The following GBF1 variants were observed in gnomAD, a reference collection of about 807,000 sequenced individuals.
GBF1 encodes Golgi-specific brefeldin A-resistance guanine nucleotide exchange factor 1.
Under a neutral mutation model 210.5 loss-of-function variants are expected in GBF1, and 114 were observed. The observed-to-expected ratio is 0.54, with a 90% CI of 0.47 to 0.63. The LOEUF is 0.63. Ranked by LOEUF, GBF1 falls within the 30% of genes least tolerant of loss-of-function variation. GBF1 has a pLI of 0.00. For missense variants in GBF1, 1,851 were observed against 2,357.7 expected, an observed-to-expected ratio of 0.79 and a Z score of 4.45; for synonymous variants, 850 against 889.2, an observed-to-expected ratio of 0.96 and a Z score of 0.78.
At chr10:102,236,525 C>T in the GBF1 span, among the ~76,000 whole-genome samples, 1 of 152,200 alleles carries the variant, frequency 6.6e-6, no homozygotes, top group South Asian at 2.1e-4. Context: ...TGCTCTGATT[C>T]TGTAGTACAG....
At chr10:102,346,815 C>T (rs922511738) in intron 4 of GBF1, among the ~76,000 whole-genome samples, 1 of 152,174 alleles carries the variant, frequency 6.6e-6, no homozygotes, top group Non-Finnish European at 1.5e-5. Context: ...CCTTTTGTTG[C>T]TTTTATTTCC....
chr10:102,369,048 T>C (rs1346441756), intron 23 of GBF1, among the ~76,000 whole-genome samples, 163 bp from the exon 24 acceptor site: 2 of 151,872 alleles, frequency 1.3e-5, no homozygotes, highest in African/African-American at 2.4e-5. Flanking sequence ...GATACAGGAG[T>C]GGGGAAGGCC....
At chr10:102,265,205 C>T (rs1369125765) in intron 3 of GBF1, among the ~76,000 whole-genome samples, 1 of 152,166 alleles carries the variant, frequency 6.6e-6, no homozygotes, top group Non-Finnish European at 1.5e-5. Flanking sequence ...CCTTAGTTCC[C>T]TTCATCCAGT....
chr10:102,372,185 T>A (rs2060248469), intron 29 of GBF1, among the ~76,000 whole-genome samples: 1 of 148,662 alleles, frequency 6.7e-6, no homozygotes, highest in South Asian at 2.1e-4. Context: ...CACTCCAGCC[T>A]GGGCAACACA....
intron 3 of GBF1, among the ~76,000 whole-genome samples, chr10:102,296,488 T>C (rs2076916248): frequency 1.3e-5 from 2 of 152,200 alleles, no homozygotes; most frequent in South Asian, 4.1e-4. Flanking sequence ...CTCACGCCTG[T>C]AATCTCAGCA....
intron 4 of GBF1, among the ~76,000 whole-genome samples, chr10:102,350,288 T>A (rs937920244): frequency 6.6e-6 from 1 of 151,084 alleles, no homozygotes; most frequent in Non-Finnish European, 1.5e-5. Context: ...AGACGGAGGT[T>A]GCAGTGAGCC....
rs772109373 is a variant in GBF1, at chr10:102,358,219, C to T, written c.787+33C>T. ...CCCTGGACTACTTCCTCTGATTAGA[C>T]AAAAGAAGAGCTCCTTTCTCTCTTA... On this transcript the variant is annotated intron_variant, in intron 9 of 39. Transcript: ENST00000369983. The T allele has an allele frequency of 1.9e-6, 3 of 1,577,558 alleles. No individual in the cohort carries two copies. In the Admixed American group the frequency reaches 5.3e-5, roughly 28 times the overall value.
At chr10:102,232,009 C>T in the GBF1 span, 1 of 1,609,848 alleles carries the variant, frequency 6.2e-7, no homozygotes. Context: ...GCTGGGGGTG[C>T]GGAGTGCCAG....
At chr10:102,230,753 C>CG in the GBF1 span, 7 of 1,489,124 alleles carry the variant, frequency 4.7e-6, no homozygotes, top group South Asian at 1.3e-5. Context: ...GGAGCCAGCC[C>CG]GGGGGGGCCC....
At chr10:102,353,805 A>G (rs1589750665) in intron 8 of GBF1, 151 bp downstream of exon 8, 1 of 632,226 alleles carries the variant, frequency 1.6e-6, no homozygotes, top group Non-Finnish European at 2.8e-6. Flanking sequence ...TTCGTGAGAA[A>G]TGTATTCTCT....
At chr10:102,354,356 CCTGT>C (rs1299562325) in intron 8 of GBF1, among the ~76,000 whole-genome samples, 1 of 152,128 alleles carries the variant, frequency 6.6e-6, no homozygotes, top group African/African-American at 2.4e-5. Context: ...CGTGCGTTTG[CCTGT>C]CTTTCGCAGA....
At position 102,382,138 on chromosome 10, in the gene GBF1, C is replaced by T. The variant is rs1438135708; in HGVS notation, c.5385C>T (p.Ser1795=). ...SPVASSPSRL[S]PTPDGPPPLA... ...TGGCCTCAAGCCCCAGCAGGCTGAG[C>T]CCCACCCCCGACGGGCCTCCACCCT... is the stretch of plus-strand genomic sequence containing the variant. The change falls in exon 40 of 40, where the codon AGC becomes AGT. Residue 1795 remains serine (S), a synonymous_variant. Coordinates refer to ENST00000369983, the MANE Select transcript of GBF1 (RefSeq NM_001377137.1). 1 of 1,610,098 alleles carries T rather than the reference C, an allele frequency of 6.2e-7. No homozygotes were observed. Among genetic ancestry groups the T allele is most frequent in the East Asian group, 2.2e-5 (1 of 44,850 alleles).
chr10:102,323,955 G>T (rs929266530), intron 3 of GBF1, among the ~76,000 whole-genome samples: 2 of 152,062 alleles, frequency 1.3e-5, no homozygotes, highest in African/African-American at 4.8e-5. Context: ...TTCTAGGAAG[G>T]CTAGCCTTCC....
intron 3 of GBF1, among the ~76,000 whole-genome samples, chr10:102,266,083 C>G (rs551074315): frequency 6.6e-6 from 1 of 151,930 alleles, no homozygotes; most frequent in Admixed American, 6.6e-5. Context: ...TAAAAAAATA[C>G]AAAAAATTAG....
At position 102,259,035 on chromosome 10, in the gene GBF1, G is replaced by A; in HGVS notation, c.96+1G>A. On this transcript the variant is annotated splice_donor_variant, in intron 2 of 39. Transcript: ENST00000369983. LOFTEE classifies it high-confidence loss of function. ...CCGATGGAGCACCCATACACCACTG[G>A]TAAGTGGGAAATGGATAAATAGCCT... 6.7e-7 allele frequency: 1 copy of A among 1,491,788 alleles called. No individual in the cohort carries two copies. Among genetic ancestry groups the A allele is most frequent in the Non-Finnish European group, 9.4e-7 (1 of 1,068,540 alleles). 92.4% of individuals were successfully genotyped at this position (1,491,788 alleles called of 1,614,324 possible).
intron 1 of GBF1, among the ~76,000 whole-genome samples, chr10:102,256,520 A>ATTT (rs894236208): frequency 7.2e-6 from 1 of 139,820 alleles, no homozygotes; most frequent in Non-Finnish European, 1.5e-5. Flanking sequence ...AAAAAAAAAA[A>ATTT]TTTTTTTTTT....
chr10:102,279,752 A>T (rs2075310525), intron 3 of GBF1, among the ~76,000 whole-genome samples: 2 of 152,148 alleles, frequency 1.3e-5, no homozygotes, highest in Admixed American at 6.6e-5. Flanking sequence ...ATTACTACGG[A>T]GAATAGGCTA....
the GBF1 span, among the ~76,000 whole-genome samples, chr10:102,234,974 C>T: frequency 3.9e-5 from 6 of 152,180 alleles, no homozygotes; most frequent in Non-Finnish European, 5.9e-5. Context: ...CAGACAGACA[C>T]ATGTGCAGAC....
At chr10:102,320,190 G>A (rs1463676437) in intron 3 of GBF1, among the ~76,000 whole-genome samples, 1 of 152,042 alleles carries the variant, frequency 6.6e-6, no homozygotes, top group African/African-American at 2.4e-5. Flanking sequence ...AGGTTTTACC[G>A]GATATAGAAT....
Sources: gnomAD v4.1 joint callset for allele counts (sites outside exome capture counted in the v4.1 genomes callset) on GRCh38, gnomAD v4.1.1 for gene constraint, MANE v1.5 for transcripts, NCBI Gene and HGNC (gene_info 2026-07-23, HGNC 2026-07-21) for gene names.